Variants in COA8 observed in about 807,000 individuals in gnomAD.
COA8 encodes UPF0671 protein C14orf153.
In COA8, 20 loss-of-function variants were observed where a neutral mutation model predicts 22.0. The observed-to-expected ratio is 0.91, with a 90% CI of 0.64 to 1.32. The LOEUF (loss-of-function observed/expected upper bound fraction) is 1.32, where lower values mean the gene tolerates loss of function less well. Among genes scored for constraint, COA8 ranks in the 40% most tolerant of loss-of-function variants. COA8 has a pLI of 0.00. For synonymous variants in COA8, 105 were observed against 79.9 expected, an observed-to-expected ratio of 1.31 and a Z score of -1.68; for missense variants, 266 against 230.0, an observed-to-expected ratio of 1.16 and a Z score of -1.01.
chr14:103,572,712 A>G (rs2076196982), intron 2 of COA8, among the ~76,000 whole-genome samples: 1 of 151,868 alleles, frequency 6.6e-6, no homozygotes, highest in Non-Finnish European at 1.5e-5. Flanking sequence ...TCTGGGTGAC[A>G]GGAGTGAGAC....
chr14:103,590,410 A>G lies in COA8; in HGVS notation c.*124A>G. On this transcript the variant is annotated 3_prime_UTR_variant, in exon 5 of 5. Transcript: ENST00000409074. ...GCCCCACATCTTCCTAAGGGGCCCC[A>G]TGGCCTGTTTGGGGGCAGGGTAGGT... The G allele has an allele frequency of 1.1e-6, 1 of 929,594 alleles. No homozygotes were observed. Among genetic ancestry groups the G allele is most frequent in the Non-Finnish European group, 1.6e-6 (1 of 625,298 alleles). 57.6% of individuals were successfully genotyped at this position (929,594 alleles called of 1,614,324 possible). A position where few individuals can be genotyped will look rare whatever the true frequency, so the allele number is the denominator to read the frequency against.
At position 103,571,767 on chromosome 14, in the gene COA8, A is replaced by T. The variant is rs773287162; in HGVS notation, c.268A>T (p.Thr90Ser). 6.2e-7 allele frequency: 1 copy of T among 1,614,200 alleles called. No homozygotes were observed. Among genetic ancestry groups the T allele is most frequent in the East Asian group, 2.2e-5 (1 of 44,892 alleles). ...EQKLRKLRQETQEWNQQFWAN... is the reference protein window; with the variant it reads ...EQKLRKLRQESQEWNQQFWAN... ...AAAGCTTAGAAAATTAAGACAAGAA[A>T]CACAAGAATGGAATCAACAGTTCTG... Residue 90 changes from threonine to serine, a missense_variant, in exon 2 of 5, where the codon ACA becomes TCA. Transcript: ENST00000409074.
rs1004752231 is a variant in COA8 at position 103,563,182 on chromosome 14, C to T, written c.123+58C>T. On this transcript the variant is annotated intron_variant, in intron 1 of 4. Coordinates refer to ENST00000409074, the MANE Select transcript of COA8 (RefSeq NM_001370595.2). ...GGGGTGACCGGAAGGGAAGACAAAC[C>T]CGGGCCTCGGGGCCACTCCCTGTTC... The T allele has an allele frequency of 8.7e-6, 13 of 1,502,476 alleles. No individual in the cohort carries two copies. In the East Asian group the frequency reaches 2.2e-4, roughly 25 times the overall value. The allele number at this position is 1,502,476 out of a possible 1,614,324, so 93.1% of individuals were successfully genotyped here. A position where few individuals can be genotyped will look rare whatever the true frequency, so the allele number is the denominator to read the frequency against.
intron 3 of COA8, among the ~76,000 whole-genome samples, chr14:103,583,215 C>T (rs1465803962): frequency 1.3e-5 from 2 of 151,928 alleles, no homozygotes; most frequent in Non-Finnish European, 2.9e-5. Context: ...GTGAATAATC[C>T]TGTGTATACC....
At chr14:103,574,021 G>A (rs2076209455) in intron 2 of COA8, 86 bp from the exon 3 acceptor site, 23 of 1,448,750 alleles carry the variant, frequency 1.6e-5, no homozygotes, top group Admixed American at 2.5e-5. Flanking sequence ...CCAGTACACC[G>A]TGAGCTGTGC....
intron 3 of COA8, among the ~76,000 whole-genome samples, chr14:103,586,570 T>C (rs1268306153): frequency 1.3e-5 from 2 of 151,566 alleles, no homozygotes; most frequent in African/African-American, 4.8e-5. Flanking sequence ...CTCTATCTCT[T>C]GATCTTCTGA....
rs1454521943 is a variant in COA8 at position 103,590,320 on chromosome 14, C to T, written c.*34C>T. The T allele has an allele frequency of 6.4e-7, 1 of 1,571,042 alleles. No homozygotes were observed. The highest frequency in any genetic ancestry group is 8.7e-7 in the Non-Finnish European group (1 of 1,146,138). On this transcript the variant is annotated 3_prime_UTR_variant, in exon 5 of 5. Transcript: ENST00000409074. ...TCTGACCCAGCCAGAGTCCAGGTTT[C>T]CACAGGAAGCAGATGGAGCTCCTTT...
At position 103,563,327 on chromosome 14, in the gene COA8, C is replaced by T. The variant is rs1369332338; in HGVS notation, c.123+203C>T. Reference sequence around the variant, plus strand: ...GATGGGACTGAGGGTGCCGCCGCCACCACGCCGGGGACTGTTGACAGCCAG... The same window carrying T: ...GATGGGACTGAGGGTGCCGCCGCCATCACGCCGGGGACTGTTGACAGCCAG... On this transcript the variant is annotated intron_variant, in intron 1 of 4. Coordinates refer to ENST00000409074, the MANE Select transcript of COA8 (RefSeq NM_001370595.2). 8 of 745,764 alleles carry T rather than the reference C, an allele frequency of 1.1e-5. No homozygotes were observed. In the East Asian group the frequency reaches 2.1e-4, roughly 20 times the overall value. 46.2% of individuals were successfully genotyped at this position (745,764 alleles called of 1,614,324 possible). A position where few individuals can be genotyped will look rare whatever the true frequency, so the allele number is the denominator to read the frequency against.
intron 3 of COA8, among the ~76,000 whole-genome samples, chr14:103,582,577 G>T (rs1377370684): frequency 6.6e-6 from 1 of 152,182 alleles, no homozygotes; most frequent in Admixed American, 6.6e-5. Context: ...TGTAGCGGTG[G>T]CTCCCAGTTC....
intron 3 of COA8, 32 bp from the exon 4 acceptor site, chr14:103,587,232 TTCTCCTTAAG>T (rs1305745473): frequency 1.3e-6 from 2 of 1,551,856 alleles, no homozygotes; most frequent in Admixed American, 3.7e-5. Context: ...TGTTTATCCT[TTCTCCTTAAG>T]TCTTAATGTT....
intron 1 of COA8, among the ~76,000 whole-genome samples, chr14:103,568,621 G>GTATATATATATATATATA (rs57741003): frequency 4.2e-5 from 6 of 141,852 alleles, no homozygotes; most frequent in African/African-American, 1.3e-4. Context: ...ATGTGTGTGT[G>GTATATATATATATATATA]TATATATATA....
At position 103,572,488 on chromosome 14, in the gene COA8, G is replaced by A. The variant is rs2076195088; in HGVS notation, c.321+668G>A. On this transcript the variant is annotated intron_variant, in intron 2 of 4. Coordinates refer to ENST00000409074, the MANE Select transcript of COA8 (RefSeq NM_001370595.2). ...GATGGCTCTGCAATCCCAGCACTTT[G>A]GGAGGCTGAGAGGGGTGGATCACTT... Among the ~76,000 whole-genome samples the A allele has an allele frequency of 2.0e-5, 3 of 152,198 alleles. No individual in the cohort carries two copies. In the South Asian group the frequency reaches 6.2e-4, roughly 32 times the overall value.
At chr14:103,564,734 C>T (rs1031509407) in intron 1 of COA8, among the ~76,000 whole-genome samples, 2 of 151,870 alleles carry the variant, frequency 1.3e-5, no homozygotes, top group Non-Finnish European at 2.9e-5. Context: ...GGCCCACCAC[C>T]ATGCCCGGCT....
chr14:103,587,472 T>C lies in COA8; in HGVS notation c.476+108T>C, dbSNP rs2076316646. On this transcript the variant is annotated intron_variant, in intron 4 of 4. Coordinates refer to ENST00000409074, the MANE Select transcript of COA8 (RefSeq NM_001370595.2). ...TTCATGTTTATATCAGAGGTAGAAG[T>C]TGCAAGACTTTATCAACTTTTTTTT... The C allele has an allele frequency of 8.3e-6, 5 of 602,296 alleles. No homozygotes were observed. The South Asian group carries it at 1.9e-4, about 23-fold the overall frequency. The allele number at this position is 602,296 out of a possible 1,614,324, so 37.3% of individuals were successfully genotyped here.
intron 1 of COA8, chr14:103,563,338 A>G (rs1225232372): frequency 5.6e-6 from 4 of 720,720 alleles, no homozygotes; most frequent in African/African-American, 5.2e-5. Context: ...CACGCCGGGG[A>G]CTGTTGACAG....
At chr14:103,570,773 C>T (rs1429891704) in intron 1 of COA8, among the ~76,000 whole-genome samples, 1 of 152,106 alleles carries the variant, frequency 6.6e-6, no homozygotes, top group East Asian at 1.9e-4. Flanking sequence ...GCCAGCCATG[C>T]TACATGGAAG....
At chr14:103,563,584 T>C (rs1416424497) in intron 1 of COA8, among the ~76,000 whole-genome samples, 1 of 152,214 alleles carries the variant, frequency 6.6e-6, no homozygotes, top group Non-Finnish European at 1.5e-5. Context: ...TTGCAAACTA[T>C]GTGTGGGTAT....
rs61102383 is a variant in COA8, at chr14:103,582,737, C to CTTTTTTTTTTT, written c.386-4531_386-4521dup. Among the ~76,000 whole-genome samples, 127 of 120,916 alleles carry CTTTTTTTTTTT rather than the reference C, an allele frequency of 1.1e-3. 3 individuals carry two copies. Among genetic ancestry groups the CTTTTTTTTTTT allele is most frequent in the Non-Finnish European group, 1.5e-3 (90 of 61,136 alleles). 79.3% of individuals were successfully genotyped at this position (120,916 alleles called of 152,430 possible). On this transcript the variant is annotated intron_variant, in intron 3 of 4. Coordinates refer to ENST00000409074, the MANE Select transcript of COA8 (RefSeq NM_001370595.2). ...TCACATACCATAAAATTCACCCTGCCTTTTTTTTTTTTTTTTGAGATGGAG... is the reference window on the plus strand; with the variant it reads ...TCACATACCATAAAATTCACCCTGCCTTTTTTTTTTTTTTTTTTTTTTTTTTTGAGATGGAG...
intron 3 of COA8, among the ~76,000 whole-genome samples, chr14:103,582,844 T>G (rs913992795): frequency 6.7e-6 from 1 of 149,962 alleles, no homozygotes; most frequent in African/African-American, 2.4e-5. Flanking sequence ...ATTGTACAAC[T>G]ACATCACTAA....
Sources: allele counts gnomAD v4.1 joint callset (sites outside exome capture counted in the v4.1 genomes callset), GRCh38; gene constraint gnomAD v4.1.1; transcripts MANE v1.5; gene names NCBI Gene and HGNC (gene_info 2026-07-23, HGNC 2026-07-21).